Variants in COL21A1 observed in about 807,000 individuals in gnomAD.
COL21A1 encodes collagen alpha-1(XXI) chain.
COL21A1 carries 149 observed loss-of-function variants against 137.9 expected under a neutral mutation model. The ratio of observed to expected loss-of-function variants is 1.08; its 90% confidence interval spans 0.95 to 1.24. The LOEUF is 1.24. Among genes scored for constraint, COL21A1 ranks in the 50% most tolerant of loss-of-function variants. The probability of loss-of-function intolerance (pLI) is 0.00; values close to 1 mark genes in which losing one functional copy is unlikely to be tolerated. For synonymous variants in COL21A1, 456 were observed against 391.5 expected (o/e 1.16, Z -1.95); for missense variants, 1,167 against 1,158.4 (o/e 1.01, Z -0.11).
At chr6:56,074,126 C>A in intron 20 of COL21A1, 106 bp downstream of exon 20, 1 of 706,788 alleles carries the variant, frequency 1.4e-6, no homozygotes, top group Non-Finnish European at 2.3e-6. Flanking sequence ...AGAATAAAAA[C>A]CACATTTAAA....
At chr6:56,095,954 C>A (rs1428666896) in intron 17 of COL21A1, among the ~76,000 whole-genome samples, 1 of 152,092 alleles carries the variant, frequency 6.6e-6, no homozygotes, top group Admixed American at 6.6e-5. Context: ...TCAAGCAATT[C>A]TCCTGCCACA....
chr6:56,315,794 A>T (rs1764717929), intron 1 of COL21A1, among the ~76,000 whole-genome samples: 1 of 151,378 alleles, frequency 6.6e-6, no homozygotes. Flanking sequence ...AAAGGAACTT[A>T]AAAAGCATAC....
upstream of COL21A1, among the ~76,000 whole-genome samples, chr6:56,252,470 C>T (rs557999572): frequency 2.0e-5 from 3 of 152,164 alleles, no homozygotes; most frequent in East Asian, 5.8e-4. Flanking sequence ...AAAAATGAAT[C>T]CTTTGGAAAT....
chr6:56,176,957 G>A (rs1253580387), intron 3 of COL21A1, among the ~76,000 whole-genome samples: 1 of 148,698 alleles, frequency 6.7e-6, no homozygotes, highest in Non-Finnish European at 1.5e-5. Flanking sequence ...GGAGGAGGAA[G>A]GAATGAGGGA....
At chr6:56,327,039 A>G (rs1765110696) in intron 1 of COL21A1, among the ~76,000 whole-genome samples, 1 of 152,040 alleles carries the variant, frequency 6.6e-6, no homozygotes, top group African/African-American at 2.4e-5. Flanking sequence ...TTCCCTTTTT[A>G]TGTAAACCAG....
At position 56,292,952 on chromosome 6, in the gene COL21A1, T is replaced by C. The variant is rs967302861; in HGVS notation, c.-39+101019A>G. 6.6e-5 allele frequency among the ~76,000 whole-genome samples: 10 copies of C among 152,228 alleles called. No homozygotes were observed. In the East Asian group the frequency reaches 1.7e-3, roughly 26 times the overall value. On this transcript the variant is annotated intron_variant, in intron 1 of 28. Transcript: ENST00000370819. ...CATTCATGTATGTGTTAATATAAAG[T>C]ATATATACATATGTATTCAATTTTA...
intron 1 of COL21A1, among the ~76,000 whole-genome samples, chr6:56,383,960 C>G (rs1008920587): frequency 1.5e-4 from 23 of 151,594 alleles, no homozygotes; most frequent in Admixed American, 4.6e-4. Context: ...TCTTAGTTCA[C>G]AAATCCAAAG....
chr6:56,260,685 AAGGAAGGCAGG>A (rs1763243367), intron 1 of COL21A1, among the ~76,000 whole-genome samples: 2 of 105,218 alleles, frequency 1.9e-5, no homozygotes, highest in African/African-American at 9.7e-5. Flanking sequence ...GGAAGGAAGG[AAGGAAGGCAGG>A]CAGGCAGGCA....
At chr6:56,165,907 T>TACACACACACAC (rs61397350) in intron 7 of COL21A1, among the ~76,000 whole-genome samples, 7 of 105,808 alleles carry the variant, frequency 6.6e-5, no homozygotes, top group African/African-American at 2.4e-4. Context: ...GGGGATTGAT[T>TACACACACACAC]ACACACACAC....
intron 1 of COL21A1, among the ~76,000 whole-genome samples, chr6:56,386,925 A>C (rs1156630030): frequency 6.6e-6 from 1 of 152,186 alleles, no homozygotes; most frequent in Non-Finnish European, 1.5e-5. Context: ...AGAAAGGGAG[A>C]AGTGAAAGCC....
chr6:56,064,631 T>TA lies in COL21A1; in HGVS notation c.2128-10dup, dbSNP rs201654196. 1,908 of 1,550,234 alleles carry TA rather than the reference T, an allele frequency of 1.2e-3. 4 individuals are homozygous for TA. The highest frequency in any genetic ancestry group is 8.3e-3 in the East Asian group (353 of 42,390). On this transcript the variant is annotated splice_polypyrimidine_tract_variant and intron_variant, in intron 23 of 29. Transcript: ENST00000244728. ...TTTTCTCCCTTTTGACCCTTTAAAA[T>TA]AAAAAAAAACATTATTGATTAGTTT... is the stretch of plus-strand genomic sequence containing the variant.
intron 1 of COL21A1, among the ~76,000 whole-genome samples, chr6:56,354,266 C>T (rs953369770): frequency 6.6e-6 from 1 of 152,148 alleles, no homozygotes; most frequent in Non-Finnish European, 1.5e-5. Flanking sequence ...GGTAATAAAA[C>T]CTGTCTCTTG....
chr6:56,366,975 A>C (rs1296727970), intron 1 of COL21A1, among the ~76,000 whole-genome samples: 1 of 152,206 alleles, frequency 6.6e-6, no homozygotes, highest in Non-Finnish European at 1.5e-5. Flanking sequence ...CAATTTACTT[A>C]ACAAAAAATA....
intron 1 of COL21A1, among the ~76,000 whole-genome samples, chr6:56,380,663 C>T (rs1581793100): frequency 2.0e-5 from 3 of 152,256 alleles, no homozygotes; most frequent in Middle Eastern, 6.8e-3. Flanking sequence ...GTGTCCTTTT[C>T]ATGGTCTATT....
At chr6:56,327,307 C>A (rs1300306579) in intron 1 of COL21A1, among the ~76,000 whole-genome samples, 1 of 150,794 alleles carries the variant, frequency 6.6e-6, no homozygotes, top group Non-Finnish European at 1.5e-5. Flanking sequence ...AAAAATACTT[C>A]ATGAAATAAA....
At chr6:56,081,543 C>T (rs988755052) in intron 17 of COL21A1, among the ~76,000 whole-genome samples, 2 of 147,866 alleles carry the variant, frequency 1.4e-5, no homozygotes, top group Admixed American at 6.9e-5. Context: ...CAATGTTTTT[C>T]AATTATTTTT....
rs887151295 is a variant in COL21A1, at chr6:56,171,373, TA to T, written c.641-246del. Among the ~76,000 whole-genome samples the T allele has an allele frequency of 3.3e-5, 5 of 151,790 alleles. 1 individual carries two copies. Among genetic ancestry groups the T allele is most frequent in the Admixed American group, 3.3e-4 (5 of 15,238 alleles). On this transcript the variant is annotated intron_variant, in intron 3 of 29. Coordinates refer to ENST00000244728, the MANE Select transcript of COL21A1 (RefSeq NM_030820.4). ...TTCTCTAAAAAATAAGGGATAAAAG[TA>T]AAACAAAAATATAAATATTTGTTAA...
chr6:56,106,562 C>G lies in COL21A1; in HGVS notation c.1759-5037G>C, dbSNP rs544775322. Among the ~76,000 whole-genome samples the G allele has an allele frequency of 5.3e-5, 8 of 152,258 alleles. No homozygotes were observed. The South Asian group carries it at 1.7e-3, about 32-fold the overall frequency. ...CATTATACATAAAAGAAGAGAGAATCTACAACTAAGAAGACCAGCAAGCTA... is the reference window on the plus strand; with the variant it reads ...CATTATACATAAAAGAAGAGAGAATGTACAACTAAGAAGACCAGCAAGCTA... On this transcript the variant is annotated intron_variant, in intron 16 of 29. Transcript: ENST00000244728.
chr6:56,268,426 G>A (rs535956793), intron 1 of COL21A1, among the ~76,000 whole-genome samples: 2 of 152,248 alleles, frequency 1.3e-5, no homozygotes, highest in Admixed American at 1.3e-4. Context: ...GTGAACACAA[G>A]GAAATACAAA....
Sources: allele counts gnomAD v4.1 joint callset (sites outside exome capture counted in the v4.1 genomes callset), GRCh38; gene constraint gnomAD v4.1.1; transcripts MANE v1.5; gene names NCBI Gene and HGNC (gene_info 2026-07-23, HGNC 2026-07-21).